SLC26A8: variants seen among roughly 807,000 people sequenced by gnomAD.
SLC26A8 encodes testis anion transporter 1.
A neutral mutation model predicts 105.0 loss-of-function variants in SLC26A8; 70 were observed. That is an observed-to-expected ratio of 0.67 (90% CI 0.55 to 0.81). The LOEUF (loss-of-function observed/expected upper bound fraction) is 0.81, where lower values mean the gene tolerates loss of function less well. Ranked by LOEUF, SLC26A8 falls within the 40% of genes least tolerant of loss-of-function variation. The probability of loss-of-function intolerance (pLI) is 0.00; values close to 1 mark genes in which losing one functional copy is unlikely to be tolerated. For synonymous variants in SLC26A8, 415 were observed against 438.3 expected, an observed-to-expected ratio of 0.95 and a Z score of 0.66; for missense variants, 998 against 1,181.8, an observed-to-expected ratio of 0.84 and a Z score of 2.28.
At chr6:35,996,237 A>G (rs1453404637) in intron 5 of SLC26A8, among the ~76,000 whole-genome samples, 3 of 152,176 alleles carry the variant, frequency 2.0e-5, no homozygotes, top group Non-Finnish European at 2.9e-5. Flanking sequence ...GTAGGTACCC[A>G]ATAAATCTTT....
intron 5 of SLC26A8, among the ~76,000 whole-genome samples, chr6:35,994,218 C>T (rs1263058433): frequency 6.6e-6 from 1 of 150,410 alleles, no homozygotes; most frequent in Non-Finnish European, 1.5e-5. Context: ...AGGTTCACGC[C>T]ATTCTCCTGC....
At chr6:36,019,818 A>G in intron 1 of SLC26A8, 109 bp from the exon 2 acceptor site, 1 of 982,264 alleles carries the variant, frequency 1.0e-6, no homozygotes, top group South Asian at 2.2e-5. Flanking sequence ...ACACTTGCAT[A>G]GCATCTTTCA....
chr6:35,967,547 A>G (rs1233239211), intron 11 of SLC26A8, among the ~76,000 whole-genome samples: 1 of 152,230 alleles, frequency 6.6e-6, no homozygotes, highest in African/African-American at 2.4e-5. Context: ...ACACATTTGT[A>G]TATAGAGGCA....
intron 8 of SLC26A8, among the ~76,000 whole-genome samples, chr6:35,978,608 C>G (rs1409120662): frequency 6.6e-6 from 1 of 151,976 alleles, no homozygotes; most frequent in Non-Finnish European, 1.5e-5. Flanking sequence ...AATCCAAATT[C>G]AATAAAATGA....
rs142738122 is a variant in SLC26A8 at position 35,955,481 on chromosome 6, C to T, written c.1903G>A (p.Glu635Lys). The T allele has an allele frequency of 7.2e-5, 117 of 1,614,126 alleles. No individual in the cohort carries two copies. The East Asian group carries it at 1.8e-3, about 25-fold the overall frequency. The change falls in exon 17 of 20, where the codon GAA becomes AAA. Residue 635 changes from glutamate to lysine, a missense_variant. Coordinates refer to ENST00000490799, the MANE Select transcript of SLC26A8 (RefSeq NM_052961.4). ...TERFENKLDPEASSINLIHCS... is the reference protein window; with the variant it reads ...TERFENKLDPKASSINLIHCS... ...TGAATCAGGTTAATGGAGGATGCTT[C>T]GGGATCCAGTTTATTTTCAAATCGC...
chr6:36,010,592 G>A (rs1761829071), intron 3 of SLC26A8, among the ~76,000 whole-genome samples: 1 of 147,182 alleles, frequency 6.8e-6, no homozygotes, highest in Non-Finnish European at 1.5e-5. Context: ...AGGCTGGAGT[G>A]CAGTGGTGCG....
intron 19 of SLC26A8, among the ~76,000 whole-genome samples, chr6:35,948,690 AT>A (rs2127287255): frequency 6.6e-6 from 1 of 152,382 alleles, no homozygotes; most frequent in African/African-American, 2.4e-5. Flanking sequence ...TCATAAGAAT[AT>A]AATATTTTAT....
chr6:36,001,221 T>C (rs1761511999), intron 3 of SLC26A8, among the ~76,000 whole-genome samples: 1 of 152,090 alleles, frequency 6.6e-6, no homozygotes, highest in Non-Finnish European at 1.5e-5. Context: ...CTCCACCTTC[T>C]GGGTTCATGC....
At chr6:36,003,559 CACTT>C (rs749011800) in intron 3 of SLC26A8, among the ~76,000 whole-genome samples, 32 of 152,258 alleles carry the variant, frequency 2.1e-4, no homozygotes, top group Non-Finnish European at 4.1e-4. Flanking sequence ...ATAAAACAAA[CACTT>C]ACGTAAGTAC....
At chr6:35,953,276 A>G (rs1189096505) in intron 17 of SLC26A8, among the ~76,000 whole-genome samples, 6 of 152,178 alleles carry the variant, frequency 3.9e-5, no homozygotes, top group Non-Finnish European at 8.8e-5. Flanking sequence ...GGGTGCTGCC[A>G]AGGACCAGAA....
At chr6:35,987,114 C>A (rs1044185587) in intron 7 of SLC26A8, among the ~76,000 whole-genome samples, 1 of 152,198 alleles carries the variant, frequency 6.6e-6, no homozygotes, top group Non-Finnish European at 1.5e-5. Context: ...TGCACCTCTA[C>A]AAGAACTAGG....
At chr6:35,987,465 G>C (rs1455607107) in intron 7 of SLC26A8, among the ~76,000 whole-genome samples, 2 of 152,032 alleles carry the variant, frequency 1.3e-5, no homozygotes, top group African/African-American at 4.8e-5. Flanking sequence ...TCCGCCTCTC[G>C]GGTTCATGCC....
At chr6:35,967,889 G>A (rs867213889) in intron 11 of SLC26A8, among the ~76,000 whole-genome samples, 3 of 151,704 alleles carry the variant, frequency 2.0e-5, no homozygotes, top group Admixed American at 1.3e-4. Flanking sequence ...AGTCTCACTC[G>A]GTCACCCAGG....
intron 1 of SLC26A8, among the ~76,000 whole-genome samples, chr6:36,020,805 A>C (rs73729674): frequency 0.095 from 14,473 of 152,224 alleles, 740 homozygotes; most frequent in African/African-American, 0.12. Context: ...CATATGTATA[A>C]ACCACATACC....
intron 17 of SLC26A8, 135 bp from the exon 18 acceptor site, chr6:35,951,634 A>T: frequency 1.1e-6 from 1 of 875,920 alleles, no homozygotes; most frequent in Non-Finnish European, 1.8e-6. Flanking sequence ...GATGGAGTGC[A>T]GTGGCATGAT....
At chr6:35,945,035 A>G (rs1288371325) in intron 19 of SLC26A8, among the ~76,000 whole-genome samples, 1 of 152,076 alleles carries the variant, frequency 6.6e-6, no homozygotes, top group East Asian at 1.9e-4. Flanking sequence ...TTTTTAGTAG[A>G]GACAGGGTTT....
At chr6:35,977,094 C>A in intron 9 of SLC26A8, 110 bp downstream of exon 9, 1 of 1,241,292 alleles carries the variant, frequency 8.1e-7, no homozygotes, top group South Asian at 1.6e-5. Context: ...ACTGTCCAAA[C>A]CATGGTCCAA....
At chr6:35,982,919 C>G (rs1202409382) in intron 7 of SLC26A8, among the ~76,000 whole-genome samples, 1 of 152,226 alleles carries the variant, frequency 6.6e-6, no homozygotes, top group African/African-American at 2.4e-5. Context: ...AATTCTCCCT[C>G]TAGTCCCTGA....
At position 35,943,869 on chromosome 6, in the gene SLC26A8, A is replaced by C; in HGVS notation, c.*31T>G. 6.2e-7 allele frequency: 1 copy of C among 1,600,920 alleles called. No individual in the cohort carries two copies. The highest frequency in any genetic ancestry group is 8.5e-7 in the Non-Finnish European group (1 of 1,171,246). On this transcript the variant is annotated 3_prime_UTR_variant, in exon 20 of 20. Coordinates refer to ENST00000490799, the MANE Select transcript of SLC26A8 (RefSeq NM_052961.4). Reference sequence around the variant, plus strand: ...TTTTTGGGTAGGAGGATTTGCCAGCATTATCTGACCCCTTATTTCTAGTTC... The same window carrying C: ...TTTTTGGGTAGGAGGATTTGCCAGCCTTATCTGACCCCTTATTTCTAGTTC...
Sources: allele counts gnomAD v4.1 joint callset (sites outside exome capture counted in the v4.1 genomes callset), GRCh38; gene constraint gnomAD v4.1.1; transcripts MANE v1.5; gene names NCBI Gene and HGNC (gene_info 2026-07-23, HGNC 2026-07-21).